Variants in GLIS1 observed in about 807,000 individuals in gnomAD.
GLIS1 encodes the protein zinc finger protein GLIS1.
A neutral mutation model predicts 63.8 loss-of-function variants in GLIS1; 24 were observed. The ratio of observed to expected loss-of-function variants is 0.38; its 90% CI spans 0.27 to 0.53. GLIS1 has a LOEUF of 0.53. GLIS1 is among the 20% of genes least tolerant of loss of function. The pLI, the probability that GLIS1 is intolerant of heterozygous loss-of-function variation, is 0.85. For missense variants in GLIS1, 1,036 were observed against 1,074.1 expected, an observed-to-expected ratio of 0.96 and a Z score of 0.50; for synonymous variants, 450 against 482.5, an observed-to-expected ratio of 0.93 and a Z score of 0.88.
At chr1:53,685,432 G>A (rs562058847) in intron 2 of GLIS1, among the ~76,000 whole-genome samples, 5 of 152,322 alleles carry the variant, frequency 3.3e-5, no homozygotes, top group African/African-American at 9.6e-5. Context: ...ACATTCCTCC[G>A]TAATGAGTCT....
chr1:53,520,519 C>G, intron 7 of GLIS1, 115 bp downstream of exon 7: 1 of 1,235,568 alleles, frequency 8.1e-7, no homozygotes, highest in Non-Finnish European at 1.1e-6. Context: ...GAGTGAGTGC[C>G]TGCAACATGT....
At chr1:53,558,869 G>A (rs1644858751) in intron 4 of GLIS1, among the ~76,000 whole-genome samples, 2 of 152,206 alleles carry the variant, frequency 1.3e-5, no homozygotes, top group South Asian at 4.1e-4. Context: ...TGTAGACTCT[G>A]CTCAGATGTG....
chr1:53,693,770 C>G (rs958803277), intron 2 of GLIS1, among the ~76,000 whole-genome samples: 1 of 152,236 alleles, frequency 6.6e-6, no homozygotes, highest in Non-Finnish European at 1.5e-5. Flanking sequence ...TACCACCGCA[C>G]TGGGTGGCCT....
At position 53,716,412 on chromosome 1, in the gene GLIS1, A is replaced by G. The variant is rs149722490; in HGVS notation, c.259+21394T>C. On this transcript the variant is annotated intron_variant, in intron 2 of 10. Transcript: ENST00000628545. ...GGAAAGGGGAGGGTCAGTAGATCTG[A>G]CATCCTCGTATGGCCAGAGAGTCAT... is the stretch of plus-strand genomic sequence containing the variant. 9.2e-5 allele frequency among the ~76,000 whole-genome samples: 14 copies of G among 152,314 alleles called. 1 individual carries two copies. In the South Asian group the frequency reaches 1.7e-3, roughly 18 times the overall value.
intron 2 of GLIS1, among the ~76,000 whole-genome samples, chr1:53,610,590 A>C (rs1645415545): frequency 6.6e-6 from 1 of 152,118 alleles, no homozygotes; most frequent in African/African-American, 2.4e-5. Context: ...GACTACTTTT[A>C]AGATTTTCTC....
At chr1:53,682,394 G>A (rs895634704) in intron 2 of GLIS1, among the ~76,000 whole-genome samples, 1 of 151,530 alleles carries the variant, frequency 6.6e-6, no homozygotes. Flanking sequence ...ACATTCTGGT[G>A]GGGGAATGGC....
intron 4 of GLIS1, among the ~76,000 whole-genome samples, chr1:53,551,342 G>A (rs1313935689): frequency 6.6e-6 from 1 of 152,230 alleles, no homozygotes; most frequent in African/African-American, 2.4e-5. Flanking sequence ...TCTCAGGGTT[G>A]TTGTGAGGCC....
Position 53,655,817 on chromosome 1 carries a change from T to C in GLIS1, c.260-55539A>G, listed in dbSNP as rs149816710. 4.0e-3 allele frequency among the ~76,000 whole-genome samples: 617 copies of C among 152,354 alleles called. 8 individuals carry two copies. Among genetic ancestry groups the C allele is most frequent in the African/African-American group, 0.014 (590 of 41,576 alleles). ...CACCTGTTTATTTATCCACACTGCT[T>C]GGGCCCAACCTCAGGTTGAGGCACC... On this transcript the variant is annotated intron_variant, in intron 2 of 10. Coordinates refer to ENST00000628545, the MANE Select transcript of GLIS1 (RefSeq NM_001367484.1).
intron 2 of GLIS1, among the ~76,000 whole-genome samples, chr1:53,737,126 A>C (rs1398781403): frequency 6.6e-6 from 1 of 152,226 alleles, no homozygotes; most frequent in East Asian, 1.9e-4. Context: ...AAATCCCAGC[A>C]CCATCTCCGA....
At chr1:53,722,480 G>C (rs921473981) in intron 2 of GLIS1, among the ~76,000 whole-genome samples, 1 of 152,210 alleles carries the variant, frequency 6.6e-6, no homozygotes, top group African/African-American at 2.4e-5. Flanking sequence ...GACCCTTTTT[G>C]GGCCTTCCAA....
intron 4 of GLIS1, among the ~76,000 whole-genome samples, chr1:53,593,797 C>T (rs1447528241): frequency 6.6e-6 from 1 of 152,214 alleles, no homozygotes; most frequent in Admixed American, 6.5e-5. Flanking sequence ...AGGCTGGCCA[C>T]GCCTGTTTTT....
At chr1:53,592,164 C>A (rs996549232) in intron 4 of GLIS1, among the ~76,000 whole-genome samples, 2 of 152,110 alleles carry the variant, frequency 1.3e-5, no homozygotes, top group African/African-American at 2.4e-5. Flanking sequence ...GAGAGAGAGA[C>A]CCTGAGTCTG....
intron 2 of GLIS1, among the ~76,000 whole-genome samples, chr1:53,623,216 C>T (rs1344418865): frequency 6.6e-6 from 1 of 152,032 alleles, no homozygotes; most frequent in Non-Finnish European, 1.5e-5. Context: ...GAAAAGATAA[C>T]AAACACATCA....
chr1:53,613,833 C>T (rs1390170246), intron 2 of GLIS1, among the ~76,000 whole-genome samples: 1 of 152,198 alleles, frequency 6.6e-6, no homozygotes, highest in South Asian at 2.1e-4. Context: ...GATGAATTCT[C>T]ACTGCCCCAT....
intron 2 of GLIS1, among the ~76,000 whole-genome samples, chr1:53,719,424 C>A (rs539145843): frequency 6.6e-6 from 1 of 152,296 alleles, no homozygotes; most frequent in Non-Finnish European, 1.5e-5. Flanking sequence ...TGGGCTCTTC[C>A]ACCTCAACCC....
At chr1:53,525,488 C>CTGGGGAGGTGG (rs2100313867) in intron 5 of GLIS1, among the ~76,000 whole-genome samples, 1 of 32,794 alleles carries the variant, frequency 3.0e-5, no homozygotes, top group Non-Finnish European at 5.9e-5. Context: ...GGGAGTCTGG[C>CTGGGGAGGTGG]GGGGCTGGGG....
At chr1:53,614,991 A>AT (rs1308439504) in intron 2 of GLIS1, among the ~76,000 whole-genome samples, 1 of 152,108 alleles carries the variant, frequency 6.6e-6, no homozygotes, top group East Asian at 1.9e-4. Context: ...AAATCTCTAT[A>AT]TTATATATTT....
intron 4 of GLIS1, among the ~76,000 whole-genome samples, chr1:53,589,908 G>A (rs1645171731): frequency 6.6e-6 from 1 of 152,182 alleles, no homozygotes; most frequent in Non-Finnish European, 1.5e-5. Flanking sequence ...GGTAGATATC[G>A]AATGGCAAGG....
At chr1:53,631,023 T>C (rs1349928540) in intron 2 of GLIS1, among the ~76,000 whole-genome samples, 4 of 152,272 alleles carry the variant, frequency 2.6e-5, no homozygotes, top group African/African-American at 9.6e-5. Flanking sequence ...AGCTTTTTAA[T>C]GTAGTAAGGA....
Sources: gnomAD v4.1 joint callset for allele counts (sites outside exome capture counted in the v4.1 genomes callset) on GRCh38, gnomAD v4.1.1 for gene constraint, MANE v1.5 for transcripts, NCBI Gene and HGNC (gene_info 2026-07-23, HGNC 2026-07-21) for gene names.